The following ACADSB variants were observed in gnomAD, a reference collection of about 807,000 sequenced individuals.
ACADSB encodes short/branched chain specific acyl-CoA dehydrogenase, mitochondrial.
ACADSB carries 40 observed loss-of-function variants against 54.1 expected under a neutral mutation model. That is an observed-to-expected ratio of 0.74 (90% CI 0.57 to 0.96). The LOEUF (loss-of-function observed/expected upper bound fraction) is 0.96, where lower values mean the gene tolerates loss of function less well. ACADSB is among the 40% of genes least tolerant of loss of function. ACADSB has a pLI of 0.00. For missense variants in ACADSB, 530 were observed against 510.4 expected (o/e 1.04, Z -0.37); for synonymous variants, 182 against 182.8 (o/e 1.00, Z 0.03).
intron 3 of ACADSB, 104 bp from the exon 4 acceptor site, chr10:123,040,361 AT>A: frequency 3.9e-6 from 4 of 1,025,540 alleles, no homozygotes; most frequent in Admixed American, 2.4e-5. Context: ...AAAAAAAATA[AT>A]AATAATAAAT....
At chr10:123,016,538 T>C (rs1471135764) in intron 1 of ACADSB, among the ~76,000 whole-genome samples, 1 of 152,234 alleles carries the variant, frequency 6.6e-6, no homozygotes, top group Admixed American at 6.5e-5. Context: ...AGGTTACAGT[T>C]CATCCACAAG....
chr10:123,009,039 C>G lies in ACADSB; in HGVS notation c.10C>G (p.Leu4Val), dbSNP rs1161302019. MEG[L>V]AVRLLRGSRL... The stretch of plus-strand genomic sequence containing the variant: ...GAGGCCTGCGGCGAGGATGGAGGGC[C>G]TGGCAGTGCGGTTGCTGCGCGGCAG... The change falls in exon 1 of 11, where the codon CTG (leucine) becomes GTG (valine). Residue 4 changes from leucine (L) to valine (V), a missense_variant. Leu to Val is a conservative substitution (Grantham distance 32). Coordinates refer to ENST00000358776, the MANE Select transcript of ACADSB (RefSeq NM_001609.4). 1.3e-6 allele frequency: 2 copies of G among 1,547,980 alleles called. No homozygotes were observed. The highest frequency in any genetic ancestry group is 1.7e-6 in the Non-Finnish European group (2 of 1,146,804).
At chr10:123,041,098 TA>T (rs1380482243) in intron 4 of ACADSB, 110 bp from the exon 5 acceptor site, 5 of 1,229,646 alleles carry the variant, frequency 4.1e-6, no homozygotes, top group Non-Finnish European at 5.8e-6. Flanking sequence ...ATAGGCTTTT[TA>T]AAAAAGCAGC....
At chr10:123,013,560 C>G (rs1231523562) in intron 1 of ACADSB, among the ~76,000 whole-genome samples, 7 of 152,252 alleles carry the variant, frequency 4.6e-5, no homozygotes, top group African/African-American at 1.7e-4. Flanking sequence ...GGGGGTGGCG[C>G]TCGTCGGGGA....
intron 1 of ACADSB, among the ~76,000 whole-genome samples, chr10:123,024,314 T>C (rs567253572): frequency 2.6e-5 from 4 of 152,346 alleles, no homozygotes; most frequent in African/African-American, 9.6e-5. Context: ...CTGCGCCACA[T>C]GTAGGGATTA....
rs59080613 is a variant in ACADSB, at chr10:123,042,707, G to A, written c.682-339G>A. Among the ~76,000 whole-genome samples the A allele has an allele frequency of 0.1, 15,718 of 151,538 alleles. 948 individuals carry two copies. The highest frequency in any genetic ancestry group is 0.14 in the East Asian group (725 of 5,100). On this transcript the variant is annotated intron_variant, in intron 5 of 10. Coordinates refer to ENST00000358776, the MANE Select transcript of ACADSB (RefSeq NM_001609.4). Reference sequence around the variant, plus strand: ...AGGTAATCCGCCCGACTCAGCCTCCGAAAGTGCTGGGATTACAGGCATGAG... The same window carrying A: ...AGGTAATCCGCCCGACTCAGCCTCCAAAAGTGCTGGGATTACAGGCATGAG...
At chr10:123,026,332 T>C (rs188354740) in intron 1 of ACADSB, among the ~76,000 whole-genome samples, 15 of 152,324 alleles carry the variant, frequency 9.8e-5, no homozygotes, top group Non-Finnish European at 1.9e-4. Context: ...GTCTCTACTA[T>C]TGTTAATCTG....
Position 123,041,233 on chromosome 10 carries a change from G to T in ACADSB, c.535G>T (p.Ala179Ser). 1 of 1,614,092 alleles carries T rather than the reference G, an allele frequency of 6.2e-7. No homozygotes were observed. The highest frequency in any genetic ancestry group is 1.3e-5 in the African/African-American group (1 of 75,032). The change falls in exon 5 of 11, where the codon GCT (alanine) becomes TCT (serine). Residue 179 changes from alanine to serine, a missense_variant. Ala to Ser is a moderately conservative substitution (Grantham distance 99). Coordinates refer to ENST00000358776, the MANE Select transcript of ACADSB (RefSeq NM_001609.4). ...EKVGSFCLSE[A>S]GAGSDSFALK... ...GGTAGGAAGTTTCTGCCTTTCAGAG[G>T]CTGGAGCAGGTAGTGACTCATTTGC...
intron 10 of ACADSB, 144 bp downstream of exon 10, chr10:123,053,304 G>A (rs1349467104): frequency 4.5e-6 from 3 of 672,332 alleles, no homozygotes; most frequent in African/African-American, 3.7e-5. Flanking sequence ...TTATGTGGCT[G>A]GATTTTTTTC....
intron 1 of ACADSB, among the ~76,000 whole-genome samples, chr10:123,013,647 C>G (rs1357214521): frequency 6.6e-6 from 1 of 152,218 alleles, no homozygotes; most frequent in East Asian, 1.9e-4. Flanking sequence ...CGGGGCCTGC[C>G]CCGCGGAGAG....
rs567833334 is a variant in ACADSB, at chr10:123,031,502, G to A, written c.43-2854G>A. ...CTGTGGAAAATCATTTTGATGGAGAGGACACCAAAGCTGCAAAGGCTGAGG... is the reference window on the plus strand; with the variant it reads ...CTGTGGAAAATCATTTTGATGGAGAAGACACCAAAGCTGCAAAGGCTGAGG... On this transcript the variant is annotated intron_variant, in intron 1 of 10. Transcript: ENST00000358776. 3.3e-5 allele frequency among the ~76,000 whole-genome samples: 5 copies of A among 152,308 alleles called. No individual in the cohort carries two copies. In the South Asian group the frequency reaches 1.0e-3, roughly 32 times the overall value.
intron 1 of ACADSB, among the ~76,000 whole-genome samples, chr10:123,014,668 AT>A (rs2133454732): frequency 6.6e-6 from 1 of 152,378 alleles, no homozygotes; most frequent in Admixed American, 6.5e-5. Context: ...GAGGTAGGGT[AT>A]CTGTTTTAAA....
intron 3 of ACADSB, among the ~76,000 whole-genome samples, chr10:123,038,955 C>A (rs1019610430): frequency 6.6e-6 from 1 of 152,014 alleles, no homozygotes; most frequent in Admixed American, 6.6e-5. Context: ...TGTGAGATCT[C>A]CCCCGCGGTG....
Position 123,056,339 on chromosome 10 carries a change from A to C in ACADSB, c.*2574A>C, listed in dbSNP as rs2133500321. ...TACATGGTGGTGGCAAGAGAAAATG[A>C]AGAAGAAGCAAAAGTGGAAACCCCT... On this transcript the variant is annotated 3_prime_UTR_variant, in exon 11 of 11. Transcript: ENST00000358776. 1 of 234,176 alleles carries C rather than the reference A, an allele frequency of 4.3e-6. No homozygotes were observed. The highest frequency in any genetic ancestry group is 5.7e-5 in the South Asian group (1 of 17,626). 14.5% of individuals were successfully genotyped at this position (234,176 alleles called of 1,614,324 possible).
intron 1 of ACADSB, among the ~76,000 whole-genome samples, chr10:123,029,981 C>T (rs975546258): frequency 1.2e-4 from 18 of 152,118 alleles, no homozygotes; most frequent in Non-Finnish European, 2.2e-4. Flanking sequence ...CTTGGCAGAA[C>T]GGAAGGGCCT....
In ACADSB at chr10:123,051,188, TAAAA is replaced by T. The variant is rs10571424; in HGVS notation, c.1128+23_1128+26del. ...ATGGCCAAATACTATGCATCAGAGG[TAAAA>T]AAAAAAAAAAAAAAAAAAAAGGAAA... is the stretch of plus-strand genomic sequence containing the variant. On this transcript the variant is annotated splice_donor_5th_base_variant and intron_variant, in intron 9 of 10. Transcript: ENST00000358776. 42,316 of 987,350 alleles carry T rather than the reference TAAAA, an allele frequency of 0.043. 6 individuals are homozygous for T. The highest frequency in any genetic ancestry group is 0.045 in the East Asian group (741 of 16,448). 61.2% of individuals were successfully genotyped at this position (987,350 alleles called of 1,614,324 possible).
At chr10:123,042,417 G>A (rs1257138859) in intron 5 of ACADSB, among the ~76,000 whole-genome samples, 1 of 147,152 alleles carries the variant, frequency 6.8e-6, no homozygotes, top group Non-Finnish European at 1.5e-5. Flanking sequence ...AGTAAATACA[G>A]TATTTTCACT....
chr10:123,014,856 A>T (rs547103008), intron 1 of ACADSB, among the ~76,000 whole-genome samples: 1 of 152,216 alleles, frequency 6.6e-6, no homozygotes, highest in Non-Finnish European at 1.5e-5. Context: ...GTGTAGAGGT[A>T]GGAATATGCT....
At chr10:123,021,270 G>A (rs1850180564) in intron 1 of ACADSB, among the ~76,000 whole-genome samples, 1 of 152,184 alleles carries the variant, frequency 6.6e-6, no homozygotes, top group East Asian at 1.9e-4. Flanking sequence ...TTGACTATAA[G>A]ATGGGATTCT....
Sources: gnomAD v4.1 joint callset for allele counts (sites outside exome capture counted in the v4.1 genomes callset) on GRCh38, gnomAD v4.1.1 for gene constraint, MANE v1.5 for transcripts, NCBI Gene and HGNC (gene_info 2026-07-23, HGNC 2026-07-21) for gene names.